UBE2J2: variants seen among roughly 807,000 people sequenced by gnomAD.
UBE2J2 encodes ubiquitin-conjugating enzyme E2 J2.
UBE2J2 carries 5 observed loss-of-function variants against 28.6 expected under a neutral mutation model. That is an observed-to-expected ratio of 0.17 (90% CI 0.09 to 0.37). UBE2J2 has a LOEUF of 0.37. Among genes scored for constraint, UBE2J2 ranks in the 10% least tolerant of loss-of-function variants. The pLI is 1.00. For synonymous variants in UBE2J2, 138 were observed against 139.7 expected (o/e 0.99, Z 0.09); for missense variants, 226 against 338.9 (o/e 0.67, Z 2.62).
Position 1,268,238 on chromosome 1 carries a change from G to A in UBE2J2, c.1-246C>T, listed in dbSNP as rs376002876. Among the ~76,000 whole-genome samples, 433 of 152,192 alleles carry A rather than the reference G, an allele frequency of 2.8e-3. 25 individuals are homozygous for A. In the South Asian group the frequency reaches 0.085, roughly 30 times the overall value. On this transcript the variant is annotated intron_variant, in intron 1 of 6. Coordinates refer to ENST00000349431, the MANE Select transcript of UBE2J2 (RefSeq NM_058167.3). The surrounding 1 kb of genome is among the most constrained non-coding windows in gnomAD (Gnocchi z 4.7). The stretch of plus-strand genomic sequence containing the variant: ...CGACGTACAGCTCAGGTACAAAGAC[G>A]AGGAGAAACCCAAAGCCTCGTTCCT...
intron 2 of UBE2J2, among the ~76,000 whole-genome samples, chr1:1,265,649 G>GTGTGTGTGTGTGTGTGT (rs60585001): frequency 1.4e-5 from 2 of 146,020 alleles, no homozygotes; most frequent in Admixed American, 7.0e-5. Flanking sequence ...GTGTGTGTGT[G>GTGTGTGTGTGTGTGTGT]GTGGAGTCTC....
chr1:1,259,059 G>GT (rs1639386602), intron 3 of UBE2J2, among the ~76,000 whole-genome samples: 1 of 151,890 alleles, frequency 6.6e-6, no homozygotes, highest in Non-Finnish European at 1.5e-5. Flanking sequence ...ACGCACGTGT[G>GT]TGCATGTGTG....
At chr1:1,255,540 G>A in intron 6 of UBE2J2, 53 bp from the exon 7 acceptor site, 1 of 1,563,354 alleles carries the variant, frequency 6.4e-7, no homozygotes. Context: ...CGCCTTTCAG[G>A]ACCAGCACTC....
At chr1:1,264,386 G>A (rs1258360762) in intron 2 of UBE2J2, among the ~76,000 whole-genome samples, 2 of 152,266 alleles carry the variant, frequency 1.3e-5, no homozygotes, top group African/African-American at 2.4e-5. Flanking sequence ...AGAAATGCCA[G>A]AAACCAGACA....
At chr1:1,263,423 C>T (rs1443208688) in intron 2 of UBE2J2, 37 bp from the exon 3 acceptor site, 1 of 1,588,774 alleles carries the variant, frequency 6.3e-7, no homozygotes, top group East Asian at 2.2e-5. Context: ...GATTTGAGGA[C>T]AGCAAATTCT....
At chr1:1,273,169 G>A (rs1468599893) in intron 1 of UBE2J2, 1 of 152,202 alleles carries the variant, frequency 6.6e-6, no homozygotes, top group African/African-American at 2.4e-5. Flanking sequence ...CTTGTTCCGG[G>A]CTCGTGTCTC....
intron 3 of UBE2J2, among the ~76,000 whole-genome samples, chr1:1,258,283 C>T (rs1219070102): frequency 2.6e-5 from 4 of 152,098 alleles, no homozygotes; most frequent in Admixed American, 6.5e-5. Flanking sequence ...CCTCATGATC[C>T]GCCCGCCTCG....
intron 2 of UBE2J2, among the ~76,000 whole-genome samples, chr1:1,267,388 C>A (rs1314000438): frequency 6.6e-6 from 1 of 152,190 alleles, no homozygotes; most frequent in African/African-American, 2.4e-5. Context: ...ACAGGAGTGT[C>A]GGACCCTAGT....
rs150495632 is a variant in UBE2J2 at position 1,255,399 on chromosome 1, G to A, written c.584C>T (p.Thr195Met). The A allele has an allele frequency of 2.5e-4, 396 of 1,613,766 alleles. No individual in the cohort carries two copies. Among genetic ancestry groups the A allele is most frequent in the Middle Eastern group, 4.9e-4 (3 of 6,084 alleles). Residue 195 changes from threonine to methionine, a missense_variant, in exon 7 of 7, where the codon ACG (threonine) becomes ATG (methionine). Transcript: ENST00000349431. ...CTGAATCCCGTTCTGGACGAGGTGC[G>A]TCTCCCCGTCTGGAACCACGTCTGG... ...PLPDVVPDGETHLVQNGIQLL... is the reference protein window; with the variant it reads ...PLPDVVPDGEMHLVQNGIQLL...
chr1:1,257,419 T>A, intron 3 of UBE2J2, 109 bp from the exon 4 acceptor site: 1 of 512,460 alleles, frequency 2.0e-6, no homozygotes, highest in Non-Finnish European at 3.1e-6. Flanking sequence ...TCAGCTCGGC[T>A]CCCGAGTCCT....
At chr1:1,260,628 T>C (rs915102568) in intron 3 of UBE2J2, among the ~76,000 whole-genome samples, 3 of 152,216 alleles carry the variant, frequency 2.0e-5, no homozygotes, top group Non-Finnish European at 4.4e-5. Context: ...CCACTTGTCC[T>C]GAAGTGGGTC....
intron 3 of UBE2J2, among the ~76,000 whole-genome samples, chr1:1,258,555 A>G (rs937441232): frequency 1.3e-5 from 2 of 151,898 alleles, no homozygotes; most frequent in African/African-American, 4.8e-5. Context: ...TCCCATCAGG[A>G]GCCCTGCAAT....
intron 2 of UBE2J2, chr1:1,267,644 G>C (rs1267188107): frequency 8.1e-7 from 1 of 1,229,462 alleles, no homozygotes; most frequent in Non-Finnish European, 1.1e-6. Flanking sequence ...GCCCCAGCCT[G>C]AGTCAAGCAT....
intron 2 of UBE2J2, among the ~76,000 whole-genome samples, chr1:1,266,852 T>TA (rs1639898528): frequency 1.3e-5 from 2 of 152,110 alleles, no homozygotes; most frequent in Admixed American, 6.6e-5. Context: ...AATTTTTTTT[T>TA]AAAAGATCAA....
chr1:1,255,023 C>G lies in UBE2J2; in HGVS notation c.*180G>C. On this transcript the variant is annotated 3_prime_UTR_variant, in exon 7 of 7. Transcript: ENST00000349431. ...GCCCGTGGCCAGGACAGGGCTGAGG[C>G]TCCAGTCTCCTCCAAAGCCCAGTCA... 1 of 659,214 alleles carries G rather than the reference C, an allele frequency of 1.5e-6. No homozygotes were observed. The highest frequency in any genetic ancestry group is 2.2e-5 in the South Asian group (1 of 46,118). The allele number at this position is 659,214 out of a possible 1,614,324, so 40.8% of individuals were successfully genotyped here.
At chr1:1,262,057 G>C (rs1044639437) in intron 3 of UBE2J2, 1 of 258,770 alleles carries the variant, frequency 3.9e-6, no homozygotes, top group East Asian at 1.2e-4. Flanking sequence ...GGGTTTCTCC[G>C]TGTTGGTCAG....
chr1:1,257,435 C>CACTCTCCG, intron 3 of UBE2J2, 125 bp from the exon 4 acceptor site: 1 of 594,290 alleles, frequency 1.7e-6, no homozygotes, highest in South Asian at 2.0e-5. Flanking sequence ...GTCCTCATTG[C>CACTCTCCG]ACTCTCCGTC....
chr1:1,261,250 G>A (rs1639543243), intron 3 of UBE2J2, among the ~76,000 whole-genome samples: 1 of 152,250 alleles, frequency 6.6e-6, no homozygotes, highest in Non-Finnish European at 1.5e-5. Context: ...GGGAGCAGCA[G>A]TGCCATAGAG....
chr1:1,258,634 C>T (rs985620301), intron 3 of UBE2J2, among the ~76,000 whole-genome samples: 3 of 152,232 alleles, frequency 2.0e-5, no homozygotes, highest in Admixed American at 6.5e-5. Flanking sequence ...CTACACTGAC[C>T]GTCCACAGCA....
Sources: gnomAD v4.1 joint callset for allele counts (sites outside exome capture counted in the v4.1 genomes callset) on GRCh38, gnomAD v4.1.1 for gene constraint, Gnocchi (gnomAD v3.1) non-coding constraint, MANE v1.5 for transcripts, NCBI Gene and HGNC (gene_info 2026-07-23, HGNC 2026-07-21) for gene names.